Variants in DYNC2H1 observed in about 807,000 individuals in gnomAD.
DYNC2H1 encodes cytoplasmic dynein 2 heavy chain 1.
Under a neutral mutation model 570.0 loss-of-function variants are expected in DYNC2H1, and 410 were observed. The observed-to-expected ratio is 0.72, with a 90% confidence interval of 0.66 to 0.78. The LOEUF is 0.78. Among genes scored for constraint, DYNC2H1 ranks in the 30% least tolerant of loss-of-function variants. DYNC2H1 has a pLI of 0.00. For missense variants in DYNC2H1, 4,865 were observed against 5,046.4 expected, an observed-to-expected ratio of 0.96 and a Z score of 1.09; for synonymous variants, 1,688 against 1,677.6, an observed-to-expected ratio of 1.01 and a Z score of -0.15.
intron 5 of DYNC2H1, among the ~76,000 whole-genome samples, chr11:103,117,393 A>C (rs2134699936): frequency 1.3e-5 from 2 of 151,460 alleles, no homozygotes; most frequent in East Asian, 3.9e-4. Context: ...TCTATACTTA[A>C]AAGGTGTAAT....
At position 103,275,830 on chromosome 11, in the gene DYNC2H1, A is replaced by G. The variant is rs200226907; in HGVS notation, c.10696-4518A>G. ...GAATAAAGCAGCTGTAAACATCCATATGCAGGTTTTTGTGTAGACATAACA... is the reference window on the plus strand; with the variant it reads ...GAATAAAGCAGCTGTAAACATCCATGTGCAGGTTTTTGTGTAGACATAACA... On this transcript the variant is annotated intron_variant, in intron 70 of 88. Coordinates refer to ENST00000375735, the MANE Select transcript of DYNC2H1 (RefSeq NM_001377.3). The surrounding 1 kb of genome is among the most constrained non-coding windows in gnomAD (Gnocchi z 4.8). Among the ~76,000 whole-genome samples, 7 of 152,328 alleles carry G rather than the reference A, an allele frequency of 4.6e-5. No individual in the cohort carries two copies. In the East Asian group the frequency reaches 1.4e-3, roughly 29 times the overall value.
chr11:103,269,943 C>T (rs1865637975), intron 70 of DYNC2H1, among the ~76,000 whole-genome samples: 1 of 151,658 alleles, frequency 6.6e-6, no homozygotes, highest in South Asian at 2.1e-4. Context: ...ACCTGTAATC[C>T]CAGCACTTTG....
chr11:103,229,647 G>T (rs1863931976), intron 59 of DYNC2H1, among the ~76,000 whole-genome samples: 1 of 151,998 alleles, frequency 6.6e-6, no homozygotes, highest in African/African-American at 2.4e-5. Flanking sequence ...GCTGCTTAAG[G>T]CTGTTGTCTT....
intron 70 of DYNC2H1, among the ~76,000 whole-genome samples, chr11:103,269,182 T>G (rs1388892171): frequency 2.6e-5 from 4 of 152,190 alleles, no homozygotes; most frequent in Non-Finnish European, 5.9e-5. Context: ...AAAAAGCTAT[T>G]TTTAAGACAT....
chr11:103,213,862 G>C (rs1387863364), intron 54 of DYNC2H1, among the ~76,000 whole-genome samples: 3 of 151,942 alleles, frequency 2.0e-5, no homozygotes, highest in African/African-American at 7.3e-5. Flanking sequence ...TTTCATTTTT[G>C]TTGCCTATGC....
chr11:103,345,524 G>A (rs3847582), intron 82 of DYNC2H1, among the ~76,000 whole-genome samples: 32,978 of 152,150 alleles, frequency 0.22, 3,713 homozygotes, highest in Admixed American at 0.31. Flanking sequence ...GTGGGTTAAA[G>A]TGGTACTTCA....
Position 103,191,844 on chromosome 11 carries a change from G to A in DYNC2H1, c.7540+225G>A, listed in dbSNP as rs1031844021. ...ATGAAATCATTATATTTGAGGCAAA[G>A]CATATTTAGTATACTTTCTGGAATT... is the stretch of plus-strand genomic sequence containing the variant. On this transcript the variant is annotated intron_variant, in intron 46 of 88. Transcript: ENST00000375735. 8.5e-5 allele frequency among the ~76,000 whole-genome samples: 13 copies of A among 152,060 alleles called. No individual in the cohort carries two copies. In the East Asian group the frequency reaches 2.5e-3, roughly 29 times the overall value.
At chr11:103,140,879 T>A (rs1859879346) in intron 17 of DYNC2H1, among the ~76,000 whole-genome samples, 1 of 152,330 alleles carries the variant, frequency 6.6e-6, no homozygotes, top group Non-Finnish European at 1.5e-5. Flanking sequence ...CATAGTCCCA[T>A]GTTTCTTGGG....
intron 65 of DYNC2H1, among the ~76,000 whole-genome samples, chr11:103,248,794 A>C (rs1403480532): frequency 6.6e-6 from 1 of 152,088 alleles, no homozygotes; most frequent in Non-Finnish European, 1.5e-5. Context: ...ATTGTTACAG[A>C]AGTAACCAAA....
intron 83 of DYNC2H1, among the ~76,000 whole-genome samples, chr11:103,358,612 T>A (rs1940477809): frequency 6.6e-6 from 1 of 152,216 alleles, no homozygotes; most frequent in Non-Finnish European, 1.5e-5. Flanking sequence ...TTCTTCCCTT[T>A]AGCAGTTCAT....
chr11:103,140,899 C>G (rs1243156075), intron 17 of DYNC2H1, among the ~76,000 whole-genome samples: 1 of 152,134 alleles, frequency 6.6e-6, no homozygotes, highest in Admixed American at 6.5e-5. Context: ...GGGCTTTGCT[C>G]ATTTCTTTTT....
Position 103,320,249 on chromosome 11 carries a change from C to T in DYNC2H1, c.11726-780C>T, listed in dbSNP as rs1422963406. Among the ~76,000 whole-genome samples the T allele has an allele frequency of 2.0e-5, 3 of 152,034 alleles. No individual in the cohort carries two copies. In the East Asian group the frequency reaches 5.8e-4, roughly 29 times the overall value. ...TGAAATCCCGTCTCTACTAAAAATACAAAAATTAGCGGCGTGGTGGCATGC... is the reference window on the plus strand; with the variant it reads ...TGAAATCCCGTCTCTACTAAAAATATAAAAATTAGCGGCGTGGTGGCATGC... On this transcript the variant is annotated intron_variant, in intron 80 of 88. Transcript: ENST00000375735.
At chr11:103,240,617 T>C (rs1489063003) in intron 63 of DYNC2H1, among the ~76,000 whole-genome samples, 1 of 152,152 alleles carries the variant, frequency 6.6e-6, no homozygotes, top group African/African-American at 2.4e-5. Flanking sequence ...TTCTCAAATA[T>C]CTCATGAATT....
intron 86 of DYNC2H1, 65 bp downstream of exon 86, chr11:103,455,360 CCTAT>C: frequency 8.3e-7 from 1 of 1,206,274 alleles, no homozygotes; most frequent in Non-Finnish European, 1.2e-6. Flanking sequence ...TTATTGACTT[CCTAT>C]TACACTGCCC....
chr11:103,253,373 T>A lies in DYNC2H1; in HGVS notation c.10131T>A (p.Pro3377=), dbSNP rs1864915796. Residue 3377 remains proline, a synonymous_variant, in exon 66 of 89, where the codon CCT becomes CCA. Coordinates refer to ENST00000375735, the MANE Select transcript of DYNC2H1 (RefSeq NM_001377.3). ...RLFLSTRNPN[P]FIPPDAASIV... is the part of the protein sequence containing the mutation. Reference sequence around the variant, plus strand: ...TTTTGTCAACAAGAAACCCAAATCCTTTTATTCCACCGGATGCAGCTTCCA... The same window carrying A: ...TTTTGTCAACAAGAAACCCAAATCCATTTATTCCACCGGATGCAGCTTCCA... The A allele has an allele frequency of 3.7e-6, 6 of 1,613,388 alleles. No individual in the cohort carries two copies. Among genetic ancestry groups the A allele is most frequent in the Non-Finnish European group, 5.1e-6 (6 of 1,179,530 alleles).
chr11:103,470,208 A>T (rs538289616), intron 88 of DYNC2H1, among the ~76,000 whole-genome samples: 1 of 152,188 alleles, frequency 6.6e-6, no homozygotes, highest in Non-Finnish European at 1.5e-5. Context: ...ATGAAAAGCA[A>T]TGTGACTTTA....
chr11:103,241,621 A>T lies in DYNC2H1; in HGVS notation c.9820-2072A>T. On this transcript the variant is annotated intron_variant, in intron 63 of 88. Coordinates refer to ENST00000375735, the MANE Select transcript of DYNC2H1 (RefSeq NM_001377.3). The surrounding 1 kb of genome is among the most constrained non-coding windows in gnomAD (Gnocchi z 5.1). ...AATGCAGAATTGTGAAATGTGTGCTATTGAATGCTAGCATAAAATTAGATC... is the reference window on the plus strand; with the variant it reads ...AATGCAGAATTGTGAAATGTGTGCTTTTGAATGCTAGCATAAAATTAGATC... 7.9e-7 allele frequency: 1 copy of T among 1,268,036 alleles called. No homozygotes were observed. Among genetic ancestry groups the T allele is most frequent in the East Asian group, 2.5e-5 (1 of 39,930 alleles). The allele number at this position is 1,268,036 out of a possible 1,614,324, so 78.5% of individuals were successfully genotyped here.
chr11:103,191,532 A>G lies in DYNC2H1; in HGVS notation c.7453A>G (p.Thr2485Ala), dbSNP rs978941906. Residue 2485 changes from threonine (T) to alanine (A), a missense_variant, in exon 46 of 89, where the codon ACA becomes GCA. Coordinates refer to ENST00000375735, the MANE Select transcript of DYNC2H1 (RefSeq NM_001377.3). The stretch of plus-strand genomic sequence containing the variant: ...TCTTTTTCAGGTGCGAGCCAAATTT[A>G]CAGTTGATGATTATAGTCACTATTT... ...QVYEQVRAKF[T>A]VDDYSHYFFT... The G allele has an allele frequency of 1.2e-5, 19 of 1,606,564 alleles. No individual in the cohort carries two copies. The highest frequency in any genetic ancestry group is 1.7e-5 in the Admixed American group (1 of 59,250).
At chr11:103,336,945 C>T (rs896026838) in intron 82 of DYNC2H1, among the ~76,000 whole-genome samples, 2 of 152,110 alleles carry the variant, frequency 1.3e-5, no homozygotes, top group Non-Finnish European at 2.9e-5. Flanking sequence ...CCAAATCTGG[C>T]CCCAAAACTG....
Sources: allele counts gnomAD v4.1 joint callset (sites outside exome capture counted in the v4.1 genomes callset), GRCh38; gene constraint gnomAD v4.1.1; non-coding constraint Gnocchi (gnomAD v3.1); transcripts MANE v1.5; gene names NCBI Gene and HGNC (gene_info 2026-07-23, HGNC 2026-07-21).